Variants in TRUB1 observed in about 807,000 individuals in gnomAD.
TRUB1 encodes pseudouridylate synthase TRUB1.
Under a neutral mutation model 33.9 loss-of-function variants are expected in TRUB1, and 23 were observed. That is an observed-to-expected ratio of 0.68 (90% CI 0.49 to 0.96). The LOEUF is 0.96. TRUB1 is among the 40% of genes least tolerant of loss of function. TRUB1 has a pLI of 0.00. For missense variants in TRUB1, 378 were observed against 422.2 expected, an observed-to-expected ratio of 0.90 and a Z score of 0.92; for synonymous variants, 163 against 165.4, an observed-to-expected ratio of 0.99 and a Z score of 0.11.
Position 114,977,104 on chromosome 10 carries a change from T to C in TRUB1, c.*1725T>C, listed in dbSNP as rs1339210575. ...GACACAGAGTTTACTAATAGAGGAG[T>C]AGAGATTGTTGACCATTTTTAAAAA... On this transcript the variant is annotated 3_prime_UTR_variant, in exon 8 of 8. Coordinates refer to ENST00000298746, the MANE Select transcript of TRUB1 (RefSeq NM_139169.5). 2.0e-5 allele frequency: 3 copies of C among 152,128 alleles called. No individual in the cohort carries two copies. The highest frequency in any genetic ancestry group is 1.3e-4 in the Admixed American group (2 of 15,264). The allele number at this position is 152,128 out of a possible 1,614,324, so 9.4% of individuals were successfully genotyped here.
At chr10:114,941,911 A>C (rs1173180058) in intron 1 of TRUB1, among the ~76,000 whole-genome samples, 2 of 152,012 alleles carry the variant, frequency 1.3e-5, no homozygotes, top group African/African-American at 2.4e-5. Flanking sequence ...CAGCCTCCTG[A>C]GTAGCTGGGA....
chr10:114,958,128 G>A (rs2084269345), intron 3 of TRUB1, among the ~76,000 whole-genome samples: 1 of 152,172 alleles, frequency 6.6e-6, no homozygotes, highest in African/African-American at 2.4e-5. Context: ...TCTACAAATT[G>A]TGGTACAGTC....
intron 3 of TRUB1, among the ~76,000 whole-genome samples, chr10:114,955,223 A>G (rs561896233): frequency 6.6e-6 from 1 of 152,332 alleles, no homozygotes; most frequent in East Asian, 1.9e-4. Context: ...GAGGAGGGCA[A>G]ATAGCCCCTC....
In TRUB1 at chr10:114,942,740, C is replaced by G. The variant is rs1158612774; in HGVS notation, c.382C>G (p.Leu128Val). 6.2e-7 allele frequency: 1 copy of G among 1,609,494 alleles called. No homozygotes were observed. Among genetic ancestry groups the G allele is most frequent in the South Asian group, 1.1e-5 (1 of 90,900 alleles). ...TCTAGACAGCGCAGCCCGAGGAGTT[C>G]TGGGTAAGAGATATGAAAGGCAGTT... ...GTLDSAARGV[L>V]VVGIGSGTKM... is the part of the protein sequence containing the mutation. The change falls in exon 2 of 8, where the codon CTG (leucine) becomes GTG (valine). Residue 128 changes from leucine to valine, a missense_variant. Leu to Val is a conservative substitution (Grantham distance 32). Transcript: ENST00000298746.
At position 114,975,359 on chromosome 10, in the gene TRUB1, G is replaced by C; in HGVS notation, c.1030G>C (p.Asp344His). 9 of 1,588,306 alleles carry C rather than the reference G, an allele frequency of 5.7e-6. No homozygotes were observed. The highest frequency in any genetic ancestry group is 7.7e-6 in the Non-Finnish European group (9 of 1,165,604). The change falls in exon 8 of 8, where the codon GAT (aspartate) becomes CAT (histidine). Residue 344 changes from aspartate to histidine, a missense_variant. Physicochemically the swap from Asp to His is moderately conservative, Grantham distance 81. Coordinates refer to ENST00000298746, the MANE Select transcript of TRUB1 (RefSeq NM_139169.5). ...ITLNEPKRED[D>H]VIKTC Reference sequence around the variant, plus strand: ...TCTAAATGAGCCAAAGAGAGAAGATGATGTAATTAAGACGTGTTGAGATTG... The same window carrying C: ...TCTAAATGAGCCAAAGAGAGAAGATCATGTAATTAAGACGTGTTGAGATTG...
intron 6 of TRUB1, among the ~76,000 whole-genome samples, chr10:114,972,688 G>T (rs905911243): frequency 9.9e-5 from 15 of 152,026 alleles, no homozygotes; most frequent in Admixed American, 6.6e-4. Context: ...ATTTTCCAAT[G>T]AAAACAAAGC....
chr10:114,951,203 G>T (rs936969113), intron 3 of TRUB1, 54 bp downstream of exon 3: 2 of 1,415,676 alleles, frequency 1.4e-6, no homozygotes, highest in African/African-American at 2.8e-5. Context: ...TGATCTACAT[G>T]TATTGGGTTT....
At chr10:114,950,707 A>G (rs1592049709) in intron 2 of TRUB1, among the ~76,000 whole-genome samples, 1 of 152,238 alleles carries the variant, frequency 6.6e-6, no homozygotes, top group East Asian at 1.9e-4. Context: ...TTGTTTAATA[A>G]TGAATTCTGT....
Position 114,970,357 on chromosome 10 carries a change from A to G in TRUB1, c.524-11A>G, listed in dbSNP as rs1470158892. The G allele has an allele frequency of 6.3e-7, 1 of 1,595,276 alleles. No individual in the cohort carries two copies. Among genetic ancestry groups the G allele is most frequent in the Non-Finnish European group, 8.6e-7 (1 of 1,166,216 alleles). On this transcript the variant is annotated splice_polypyrimidine_tract_variant and intron_variant, in intron 4 of 7. Coordinates refer to ENST00000298746, the MANE Select transcript of TRUB1 (RefSeq NM_139169.5). Reference sequence around the variant, plus strand: ...GGTTGTTTTAGTGTCTTTTTTGTTGATTTTTGGCAGATAAAATAACACAAG... The same window carrying G: ...GGTTGTTTTAGTGTCTTTTTTGTTGGTTTTTGGCAGATAAAATAACACAAG...
intron 4 of TRUB1, among the ~76,000 whole-genome samples, chr10:114,964,488 T>C (rs1163198509): frequency 6.6e-6 from 1 of 152,192 alleles, no homozygotes; most frequent in Non-Finnish European, 1.5e-5. Context: ...GTGGCTTGCC[T>C]TTTTCCTCTC....
At chr10:114,968,083 G>T (rs1295203518) in intron 4 of TRUB1, among the ~76,000 whole-genome samples, 1 of 152,102 alleles carries the variant, frequency 6.6e-6, no homozygotes, top group African/African-American at 2.4e-5. Context: ...GTACGTGTGT[G>T]TATGTGTGTG....
rs542727702 is a variant in TRUB1 at position 114,977,083 on chromosome 10, CAG to C, written c.*1707_*1708del. 3 of 152,048 alleles carry C rather than the reference CAG, an allele frequency of 2.0e-5. No homozygotes were observed. Among genetic ancestry groups the C allele is most frequent in the South Asian group, 2.1e-4 (1 of 4,822 alleles). The allele number at this position is 152,048 out of a possible 1,614,324, so 9.4% of individuals were successfully genotyped here. A position where few individuals can be genotyped will look rare whatever the true frequency, so the allele number is the denominator to read the frequency against. Reference sequence around the variant, plus strand: ...GTATTTTTCACCTTAAAAATTGACACAGAGTTTACTAATAGAGGAGTAGAGAT... The same window carrying C: ...GTATTTTTCACCTTAAAAATTGACACAGTTTACTAATAGAGGAGTAGAGAT... On this transcript the variant is annotated 3_prime_UTR_variant, in exon 8 of 8. Coordinates refer to ENST00000298746, the MANE Select transcript of TRUB1 (RefSeq NM_139169.5).
At position 114,974,390 on chromosome 10, in the gene TRUB1, G is replaced by A. The variant is rs748603185; in HGVS notation, c.793+5G>A. 1.9e-6 allele frequency: 3 copies of A among 1,607,738 alleles called. No individual in the cohort carries two copies. The highest frequency in any genetic ancestry group is 1.7e-5 in the Admixed American group (1 of 59,804). On this transcript the variant is annotated splice_donor_5th_base_variant and intron_variant, in intron 7 of 7. Coordinates refer to ENST00000298746, the MANE Select transcript of TRUB1 (RefSeq NM_139169.5). ...TGGTCAGTGACATTGGAAAAGGTAA[G>A]CATAAAAATGAATTATGAATTATCA...
chr10:114,949,896 GTTTT>G (rs35333718), intron 2 of TRUB1, among the ~76,000 whole-genome samples: 19 of 125,116 alleles, frequency 1.5e-4, no homozygotes, highest in Non-Finnish European at 2.8e-4. Context: ...ATCTTTTAAA[GTTTT>G]TTTTTTTTTT....
At chr10:114,942,174 A>C (rs1564696836) in intron 1 of TRUB1, among the ~76,000 whole-genome samples, 1 of 152,228 alleles carries the variant, frequency 6.6e-6, no homozygotes, top group Non-Finnish European at 1.5e-5. Context: ...ATTTAGAAGT[A>C]GCCCTGCATG....
chr10:114,939,821 C>CTTTTTTTTTTTTTTTTT, intron 1 of TRUB1, among the ~76,000 whole-genome samples: 1 of 103,490 alleles, frequency 9.7e-6, no homozygotes, highest in Non-Finnish European at 2.0e-5. Flanking sequence ...CTCTGGGTTT[C>CTTTTTTTTTTTTTTTTT]TTTTCTTTTT....
At chr10:114,952,334 G>A (rs2084239597) in intron 3 of TRUB1, among the ~76,000 whole-genome samples, 2 of 152,258 alleles carry the variant, frequency 1.3e-5, no homozygotes, top group East Asian at 1.9e-4. Flanking sequence ...CCAGCTACTC[G>A]GTAGACTGAG....
Position 114,975,387 on chromosome 10 carries a change from C to T in TRUB1, c.*8C>T, listed in dbSNP as rs1448851372. 3 of 1,531,348 alleles carry T rather than the reference C, an allele frequency of 2.0e-6. No homozygotes were observed. The highest frequency in any genetic ancestry group is 2.6e-6 in the Non-Finnish European group (3 of 1,137,976). 94.9% of individuals were successfully genotyped at this position (1,531,348 alleles called of 1,614,324 possible). On this transcript the variant is annotated 3_prime_UTR_variant, in exon 8 of 8. Transcript: ENST00000298746. ...GTAATTAAGACGTGTTGAGATTGGC[C>T]TGGGAATATCATCATTTTCTAGTTG...
chr10:114,963,996 T>G (rs558207278), intron 4 of TRUB1, among the ~76,000 whole-genome samples: 14 of 152,112 alleles, frequency 9.2e-5, no homozygotes, highest in African/African-American at 2.4e-4. Flanking sequence ...TGTGTGCGTG[T>G]GCACGTGTGT....
Sources: gnomAD v4.1 joint callset for allele counts (sites outside exome capture counted in the v4.1 genomes callset) on GRCh38, gnomAD v4.1.1 for gene constraint, MANE v1.5 for transcripts, NCBI Gene and HGNC (gene_info 2026-07-23, HGNC 2026-07-21) for gene names.